WWOX: variants seen among roughly 807,000 people sequenced by gnomAD.
WWOX encodes WW domain-containing oxidoreductase.
Under a neutral mutation model 46.2 loss-of-function variants are expected in WWOX, and 69 were observed. The observed-to-expected ratio is 1.49, with a 90% CI of 1.23 to 1.82. The LOEUF is 1.82. WWOX is among the 40% of genes most tolerant of loss of function. The probability of loss-of-function intolerance (pLI) is 0.00; values close to 1 mark genes in which losing one functional copy is unlikely to be tolerated. For synonymous variants in WWOX, 359 were observed against 202.6 expected (o/e 1.77, Z -6.56); for missense variants, 919 against 542.6 (o/e 1.69, Z -6.89).
At chr16:78,406,831 G>A (rs903922047) in intron 6 of WWOX, among the ~76,000 whole-genome samples, 5 of 152,052 alleles carry the variant, frequency 3.3e-5, no homozygotes, top group Admixed American at 6.6e-5. Flanking sequence ...TCACTGTGTT[G>A]GCTAAGGTGG....
chr16:78,666,762 C>G (rs79724795), intron 8 of WWOX, among the ~76,000 whole-genome samples: 1,551 of 152,274 alleles, frequency 0.01, 16 homozygotes, highest in South Asian at 0.036. Context: ...TGGTTGTGTT[C>G]TTTCCTGGAG....
intron 4 of WWOX, among the ~76,000 whole-genome samples, chr16:78,158,231 C>T (rs983084356): frequency 1.3e-5 from 2 of 152,104 alleles, no homozygotes; most frequent in African/African-American, 2.4e-5. Context: ...AGGAAGATAA[C>T]GGTATGCTGA....
chr16:79,096,520 C>G (rs960738462), intron 8 of WWOX, among the ~76,000 whole-genome samples: 9 of 152,102 alleles, frequency 5.9e-5, no homozygotes, highest in African/African-American at 2.2e-4. Flanking sequence ...CAGGGCTGGC[C>G]CATCCTTTCT....
In WWOX at chr16:78,825,545, A is replaced by G. The variant is rs537826056; in HGVS notation, c.1057-386063A>G. 3 of 528,862 alleles carry G rather than the reference A, an allele frequency of 5.7e-6. No individual in the cohort carries two copies. In the East Asian group the frequency reaches 1.5e-4, roughly 27 times the overall value. The allele number at this position is 528,862 out of a possible 1,614,324, so 32.8% of individuals were successfully genotyped here. A position where few individuals can be genotyped will look rare whatever the true frequency, so the allele number is the denominator to read the frequency against. ...AGGGCATTGTAGAGCTTTATGCTGA[A>G]AAGGTGGCCCCAGAGGTCTGTGTGC... On this transcript the variant is annotated intron_variant, in intron 8 of 8. Coordinates refer to ENST00000566780, the MANE Select transcript of WWOX (RefSeq NM_016373.4).
At chr16:79,158,186 A>G (rs565983324) in intron 8 of WWOX, among the ~76,000 whole-genome samples, 11 of 152,324 alleles carry the variant, frequency 7.2e-5, no homozygotes, top group African/African-American at 2.6e-4. Flanking sequence ...TTGGGATTTC[A>G]TAGATGAGGT....
chr16:78,818,870 G>C (rs1181995588), intron 8 of WWOX, among the ~76,000 whole-genome samples: 1 of 152,206 alleles, frequency 6.6e-6, no homozygotes, highest in Non-Finnish European at 1.5e-5. Context: ...AGCACTGAGA[G>C]AGGGAATGTA....
At chr16:78,760,352 G>A (rs2049761684) in intron 8 of WWOX, among the ~76,000 whole-genome samples, 1 of 152,198 alleles carries the variant, frequency 6.6e-6, no homozygotes, top group Non-Finnish European at 1.5e-5. Context: ...AATTCAATAT[G>A]AGATTTGGAT....
At chr16:78,526,823 G>T (rs1408071203) in intron 8 of WWOX, among the ~76,000 whole-genome samples, 1 of 152,180 alleles carries the variant, frequency 6.6e-6, no homozygotes. Context: ...TGATCTTGAG[G>T]GGGGTCTGGG....
chr16:78,312,342 A>G (rs547956516), intron 5 of WWOX, among the ~76,000 whole-genome samples: 2 of 147,934 alleles, frequency 1.4e-5, no homozygotes, highest in East Asian at 4.0e-4. Flanking sequence ...AAACACTTAT[A>G]TTGCTAGTGA....
chr16:78,874,316 T>G (rs1007390074), intron 8 of WWOX, among the ~76,000 whole-genome samples: 7 of 147,848 alleles, frequency 4.7e-5, no homozygotes, highest in Non-Finnish European at 8.9e-5. Context: ...AGTTGGGGAG[T>G]TGAATAGAGA....
chr16:78,105,582 A>G (rs1388733568), intron 1 of WWOX, among the ~76,000 whole-genome samples: 1 of 152,138 alleles, frequency 6.6e-6, no homozygotes, highest in Non-Finnish European at 1.5e-5. Context: ...TGTTTTTTAA[A>G]TGTCTTTCTG....
intron 8 of WWOX, among the ~76,000 whole-genome samples, chr16:78,947,155 A>C (rs1000349077): frequency 7.9e-5 from 12 of 152,096 alleles, no homozygotes; most frequent in Admixed American, 6.5e-4. Flanking sequence ...CATTAAAAAT[A>C]GATCAAAAAA....
intron 8 of WWOX, among the ~76,000 whole-genome samples, chr16:78,793,186 C>T (rs574066468): frequency 3.9e-5 from 6 of 152,228 alleles, no homozygotes; most frequent in Non-Finnish European, 8.8e-5. Flanking sequence ...GATCTTCACA[C>T]CTCAGCCTCC....
chr16:79,002,121 C>T (rs530641618), intron 8 of WWOX, among the ~76,000 whole-genome samples: 3 of 150,380 alleles, frequency 2.0e-5, no homozygotes, highest in East Asian at 3.9e-4. Flanking sequence ...CTCAGCTGGA[C>T]GATGAATGAG....
chr16:79,115,777 C>T (rs1001174396), intron 8 of WWOX, among the ~76,000 whole-genome samples: 1 of 152,140 alleles, frequency 6.6e-6, no homozygotes, highest in African/African-American at 2.4e-5. Flanking sequence ...AAAAACACTT[C>T]ACAGGATCCA....
At chr16:78,716,564 A>G (rs36031083) in intron 8 of WWOX, among the ~76,000 whole-genome samples, 1,761 of 152,142 alleles carry the variant, frequency 0.012, 14 homozygotes, top group Middle Eastern at 0.034. Flanking sequence ...ACTCCATGCC[A>G]GTGTCTTCCC....
intron 8 of WWOX, among the ~76,000 whole-genome samples, chr16:78,736,423 C>T (rs532454049): frequency 6.6e-6 from 1 of 152,108 alleles, no homozygotes; most frequent in African/African-American, 2.4e-5. Context: ...TCTGACCAGG[C>T]CACCAACAGC....
At chr16:78,205,023 T>C (rs1434345383) in intron 5 of WWOX, among the ~76,000 whole-genome samples, 1 of 152,230 alleles carries the variant, frequency 6.6e-6, no homozygotes. Context: ...TAAACTGTTT[T>C]GTTGAAGACA....
intron 8 of WWOX, among the ~76,000 whole-genome samples, chr16:78,690,457 TGGG>T (rs2142263147): frequency 6.6e-6 from 1 of 152,168 alleles, no homozygotes; most frequent in African/African-American, 2.4e-5. Context: ...GAAGCTGAGA[TGGG>T]AGGATTGCTT....
Sources: allele counts gnomAD v4.1 joint callset (sites outside exome capture counted in the v4.1 genomes callset), GRCh38; gene constraint gnomAD v4.1.1; transcripts MANE v1.5; gene names NCBI Gene and HGNC (gene_info 2026-07-23, HGNC 2026-07-21).